The following ADGRL1 variants were observed in gnomAD, a reference collection of about 807,000 sequenced individuals.
ADGRL1 encodes the protein adhesion G protein-coupled receptor L1, also known as CIRL-1.
A neutral mutation model predicts 148.9 loss-of-function variants in ADGRL1; 31 were observed. The observed-to-expected ratio is 0.21, with a 90% CI of 0.16 to 0.28. ADGRL1 has a LOEUF of 0.28. Ranked by LOEUF, ADGRL1 falls within the 10% of genes least tolerant of loss-of-function variation. The pLI is 1.00. For missense variants in ADGRL1, 1,521 were observed against 2,058.8 expected (o/e 0.74, Z 5.05); for synonymous variants, 937 against 900.3 (o/e 1.04, Z -0.73).
chr19:14,192,746 TCG>T (rs1441003608), intron 1 of ADGRL1, among the ~76,000 whole-genome samples: 3 of 152,060 alleles, frequency 2.0e-5, no homozygotes, highest in African/African-American at 7.3e-5. Context: ...AGACGGGGTT[TCG>T]CCATATTGGT....
rs902694073 is a variant in ADGRL1 at position 14,151,054 on chromosome 19, G to A, written c.4229C>T (p.Ala1410Val). The change falls in exon 23 of 23, where the codon GCA (alanine) becomes GTA (valine). Residue 1410 changes from alanine to valine, a missense_variant. This residue lies in a region of ADGRL1 where 390 missense variants were observed against 375.0 expected (regional missense o/e 1.04). Transcript: ENST00000361434. ...PSEALPPPPP[A>V]PPGPPEIYYT... ...GTAGATTTCGGGGGGGCCGGGGGGTGCGGGAGGGGGTGGGGGCAGGGCCTC... is the reference window on the plus strand; with the variant it reads ...GTAGATTTCGGGGGGGCCGGGGGGTACGGGAGGGGGTGGGGGCAGGGCCTC... 21 of 1,490,106 alleles carry A rather than the reference G, an allele frequency of 1.4e-5. No individual in the cohort carries two copies. In the African/African-American group the frequency reaches 2.8e-4, roughly 20 times the overall value. The allele number at this position is 1,490,106 out of a possible 1,614,324, so 92.3% of individuals were successfully genotyped here. A position where few individuals can be genotyped will look rare whatever the true frequency, so the allele number is the denominator to read the frequency against.
chr19:14,179,495 C>T (rs1971047274), intron 2 of ADGRL1, among the ~76,000 whole-genome samples: 2 of 151,838 alleles, frequency 1.3e-5, no homozygotes, highest in South Asian at 4.2e-4. Context: ...CTCCATCAAA[C>T]AAACAAACAA....
chr19:14,170,960 T>C, intron 3 of ADGRL1, 169 bp from the exon 4 acceptor site: 1 of 568,520 alleles, frequency 1.8e-6, no homozygotes, highest in South Asian at 2.0e-5. Context: ...CCAAATCTCA[T>C]GTTGAATTGT....
At chr19:14,156,038 C>G (rs541101179) in intron 17 of ADGRL1, 72 bp downstream of exon 17, 3 of 1,194,672 alleles carry the variant, frequency 2.5e-6, no homozygotes, top group Admixed American at 2.0e-5. Context: ...TTTAGGACAC[C>G]CTGGAAGAGG....
At position 14,153,776 on chromosome 19, in the gene ADGRL1, C is replaced by A. The variant is rs551084270; in HGVS notation, c.3295-864G>T. Among the ~76,000 whole-genome samples the A allele has an allele frequency of 2.2e-4, 34 of 151,186 alleles. 1 individual carries two copies. In the South Asian group the frequency reaches 6.5e-3, roughly 29 times the overall value. The stretch of plus-strand genomic sequence containing the variant: ...GACCAGCCTGGGCAACATGGTGAAA[C>A]CCCACCTCTACTAAAAATACAAAAA... On this transcript the variant is annotated intron_variant, in intron 18 of 22. Coordinates refer to ENST00000361434, the MANE Select transcript of ADGRL1 (RefSeq NM_014921.5).
At chr19:14,204,074 T>G (rs571087737) in intron 1 of ADGRL1, among the ~76,000 whole-genome samples, 170 of 152,226 alleles carry the variant, frequency 1.1e-3, no homozygotes, top group African/African-American at 3.1e-3. Flanking sequence ...TGGAATTAGT[T>G]CCCTTTTCCG....
intron 4 of ADGRL1, chr19:14,170,319 G>C: frequency 5.7e-6 from 1 of 174,252 alleles, no homozygotes; most frequent in Non-Finnish European, 1.2e-5. Context: ...GGGGAGAAAA[G>C]CATAGAGGCC....
In ADGRL1 at chr19:14,148,153, T is replaced by C. The variant is rs1967780026; in HGVS notation, c.*2720A>G. The C allele has an allele frequency of 6.5e-6, 1 of 152,714 alleles. No homozygotes were observed. The highest frequency in any genetic ancestry group is 6.5e-5 in the Admixed American group (1 of 15,284). The allele number at this position is 152,714 out of a possible 1,614,324, so 9.5% of individuals were successfully genotyped here. On this transcript the variant is annotated 3_prime_UTR_variant, in exon 23 of 23. Transcript: ENST00000361434. ...GTAGGAGAGGAAACCAAGACCCTTC[T>C]CTGTACCGTCCCAGCTGGGGTGGGG... is the stretch of plus-strand genomic sequence containing the variant.
Position 14,162,811 on chromosome 19 carries a change from A to G in ADGRL1, c.990T>C (p.Asp330=), listed in dbSNP as rs751929316. The change falls in exon 5 of 23, where the codon GAT becomes GAC. Residue 330 remains aspartate (D), a synonymous_variant. Coordinates refer to ENST00000361434, the MANE Select transcript of ADGRL1 (RefSeq NM_014921.5). This position sits in a 1 kb window ranked among gnomAD's most constrained non-coding sequence, Gnocchi z 5.4. ...CGCGGTTGCCAGCCGCCTCGCTGTC[A>G]TCATCCACGTACACGGAACGCAGGA... The part of the protein sequence containing the change: ...LYVLRSVYVD[D]DSEAAGNRVD... 7 of 1,613,970 alleles carry G rather than the reference A, an allele frequency of 4.3e-6. No individual in the cohort carries two copies. The highest frequency in any genetic ancestry group is 1.7e-4 in the Middle Eastern group (1 of 6,058).
chr19:14,162,798 C>A lies in ADGRL1; in HGVS notation c.1003G>T (p.Ala335Ser). ...SVYVDDDSEA[A>S]GNRVDYAFNT... ...AAGGCATAGTCCACGCGGTTGCCAGCCGCCTCGCTGTCATCATCCACGTAC... is the reference window on the plus strand; with the variant it reads ...AAGGCATAGTCCACGCGGTTGCCAGACGCCTCGCTGTCATCATCCACGTAC... Residue 335 changes from alanine (A) to serine (S), a missense_variant, in exon 5 of 23, where the codon GCT becomes TCT. Around this residue, in one of 8 missense-constraint regions of ADGRL1, gnomAD observed 334 missense variants for 512.5 expected, o/e 0.65. Coordinates refer to ENST00000361434, the MANE Select transcript of ADGRL1 (RefSeq NM_014921.5). The surrounding 1 kb of genome is among the most constrained non-coding windows in gnomAD (Gnocchi z 5.4). 6.2e-7 allele frequency: 1 copy of A among 1,613,984 alleles called. No individual in the cohort carries two copies. Among genetic ancestry groups the A allele is most frequent in the Non-Finnish European group, 8.5e-7 (1 of 1,179,984 alleles).
intron 1 of ADGRL1, among the ~76,000 whole-genome samples, chr19:14,205,559 CCA>C (rs1451853802): frequency 1.3e-5 from 2 of 151,688 alleles, no homozygotes; most frequent in African/African-American, 4.8e-5. Context: ...CCGCTCACAC[CCA>C]GACACCTACA....
At chr19:14,178,777 G>GCTA (rs1437597782) in intron 2 of ADGRL1, among the ~76,000 whole-genome samples, 1 of 152,138 alleles carries the variant, frequency 6.6e-6, no homozygotes, top group Non-Finnish European at 1.5e-5. Context: ...CTCTCAAAGT[G>GCTA]CTAGGATTAT....
At position 14,177,738 on chromosome 19, in the gene ADGRL1, C is replaced by T. The variant is rs1179762411; in HGVS notation, c.77G>A (p.Ser26Asn). The change falls in exon 3 of 23, where the codon AGC becomes AAC. Residue 26 changes from serine (S) to asparagine (N), a missense_variant. By Grantham distance (46) the Ser-to-Asn change is conservative. Coordinates refer to ENST00000361434, the MANE Select transcript of ADGRL1 (RefSeq NM_014921.5). ...CAGCCCGAACGGGAGCCCGGCCCGG[C>T]TCAGGCCTGCAGGGAGGGTTGGGGA... is the stretch of plus-strand genomic sequence containing the variant. The part of the protein sequence containing the change: ...VLVTSATQGL[S>N]RAGLPFGLMR... The T allele has an allele frequency of 1.9e-6, 3 of 1,610,614 alleles. No homozygotes were observed. Among genetic ancestry groups the T allele is most frequent in the Non-Finnish European group, 2.5e-6 (3 of 1,179,526 alleles).
chr19:14,176,631 G>A (rs549223362), intron 3 of ADGRL1, among the ~76,000 whole-genome samples: 2 of 152,096 alleles, frequency 1.3e-5, no homozygotes, highest in Admixed American at 6.6e-5. Flanking sequence ...GAGGCCAGGA[G>A]TTTAAGACCA....
chr19:14,154,465 G>GT (rs1461454105), intron 18 of ADGRL1, among the ~76,000 whole-genome samples: 2 of 152,088 alleles, frequency 1.3e-5, no homozygotes, highest in Non-Finnish European at 2.9e-5. Context: ...GTCCCCTTTG[G>GT]TTTTTTTAAA....
At chr19:14,180,503 G>A (rs897496019) in intron 2 of ADGRL1, among the ~76,000 whole-genome samples, 1 of 151,314 alleles carries the variant, frequency 6.6e-6, no homozygotes, top group African/African-American at 2.4e-5. Context: ...TGATCCGCCC[G>A]CCTGAGCCTC....
chr19:14,159,002 T>G lies in ADGRL1; in HGVS notation c.2149+88A>C, dbSNP rs1969064126. Reference sequence around the variant, plus strand: ...TGAGAAAAGGTCAGCACCGCTGCCCTCTACAAATGGCACAGAGACGCTGGC... The same window carrying G: ...TGAGAAAAGGTCAGCACCGCTGCCCGCTACAAATGGCACAGAGACGCTGGC... On this transcript the variant is annotated intron_variant, in intron 11 of 22. Transcript: ENST00000361434. This position sits in a 1 kb window ranked among gnomAD's most constrained non-coding sequence, Gnocchi z 6.0. 2 of 1,539,144 alleles carry G rather than the reference T, an allele frequency of 1.3e-6. No homozygotes were observed. Among genetic ancestry groups the G allele is most frequent in the Admixed American group, 3.5e-5 (2 of 57,402 alleles).
chr19:14,199,828 G>A (rs1405631237), intron 1 of ADGRL1, among the ~76,000 whole-genome samples: 2 of 152,030 alleles, frequency 1.3e-5, no homozygotes, highest in Non-Finnish European at 2.9e-5. Flanking sequence ...CTGCCTCCCA[G>A]GTTCAAGCGA....
In ADGRL1 at chr19:14,161,670, C is replaced by T. The variant is rs1969397080; in HGVS notation, c.1196-44G>A. On this transcript the variant is annotated intron_variant, in intron 5 of 22. Transcript: ENST00000361434. This position sits in a 1 kb window ranked among gnomAD's most constrained non-coding sequence, Gnocchi z 4.4. Reference sequence around the variant, plus strand: ...ACAGGGTCATCCCCATGCTCAGGGCCATGCCACAGTGTGCTTGGGCAGGGG... The same window carrying T: ...ACAGGGTCATCCCCATGCTCAGGGCTATGCCACAGTGTGCTTGGGCAGGGG... The T allele has an allele frequency of 1.5e-6, 2 of 1,300,122 alleles. No individual in the cohort carries two copies. The highest frequency in any genetic ancestry group is 2.0e-6 in the Non-Finnish European group (2 of 1,012,150). The allele number at this position is 1,300,122 out of a possible 1,614,324, so 80.5% of individuals were successfully genotyped here. A position where few individuals can be genotyped will look rare whatever the true frequency, so the allele number is the denominator to read the frequency against.
Sources: allele counts gnomAD v4.1 joint callset (sites outside exome capture counted in the v4.1 genomes callset), GRCh38; gene constraint gnomAD v4.1.1; regional missense constraint gnomAD v4.1.1; non-coding constraint Gnocchi (gnomAD v3.1); transcripts MANE v1.5; gene names NCBI Gene and HGNC (gene_info 2026-07-23, HGNC 2026-07-21).